Variants in KCNIP4 observed in about 807,000 individuals in gnomAD.
KCNIP4 encodes the protein potassium voltage-gated channel interacting protein 4, also known as Kv channel-interacting protein 4.
KCNIP4 carries 12 observed loss-of-function variants against 34.0 expected under a neutral mutation model. The observed-to-expected ratio is 0.35, with a 90% CI of 0.23 to 0.57. KCNIP4 has a LOEUF of 0.57. Ranked by LOEUF, KCNIP4 falls within the 20% of genes least tolerant of loss-of-function variation. The pLI, the probability that KCNIP4 is intolerant of heterozygous loss-of-function variation, is 0.83. For synonymous variants in KCNIP4, 124 were observed against 102.2 expected, an observed-to-expected ratio of 1.21 and a Z score of -1.29; for missense variants, 238 against 311.7, an observed-to-expected ratio of 0.76 and a Z score of 1.78.
intron 1 of KCNIP4, among the ~76,000 whole-genome samples, chr4:21,874,498 G>A (rs1725986890): frequency 6.6e-6 from 1 of 152,134 alleles, no homozygotes; most frequent in Non-Finnish European, 1.5e-5. Context: ...GAGGGAGAGA[G>A]AATGGCTGTG....
chr4:21,789,466 G>T (rs1291238921), intron 1 of KCNIP4, among the ~76,000 whole-genome samples: 2 of 152,096 alleles, frequency 1.3e-5, no homozygotes, highest in Non-Finnish European at 2.9e-5. Context: ...GGCCAGTAGG[G>T]AACATGGTCT....
chr4:21,643,488 A>C (rs936650133), intron 1 of KCNIP4, among the ~76,000 whole-genome samples: 1 of 152,190 alleles, frequency 6.6e-6, no homozygotes, highest in Non-Finnish European at 1.5e-5. Context: ...AAATGGACTC[A>C]TGATGGTTAA....
chr4:21,054,241 G>A (rs542708354), intron 1 of KCNIP4, among the ~76,000 whole-genome samples: 10 of 152,188 alleles, frequency 6.6e-5, no homozygotes, highest in Admixed American at 5.2e-4. Context: ...CAAAGAGGCT[G>A]GGCATGCTGG....
intron 1 of KCNIP4, among the ~76,000 whole-genome samples, chr4:21,717,249 TA>T (rs528227948): frequency 1.3e-5 from 2 of 152,198 alleles, no homozygotes; most frequent in Non-Finnish European, 2.9e-5. Context: ...TAATGTCCCC[TA>T]GGGGTAATAT....
At chr4:21,940,057 C>T (rs1560192338) in intron 1 of KCNIP4, among the ~76,000 whole-genome samples, 1 of 152,136 alleles carries the variant, frequency 6.6e-6, no homozygotes, top group Non-Finnish European at 1.5e-5. Context: ...GAAGTTATAG[C>T]TCACTTGAAC....
chr4:21,230,162 G>A lies in KCNIP4; in HGVS notation c.62-347453C>T, dbSNP rs561591637. Among the ~76,000 whole-genome samples, 21 of 152,050 alleles carry A rather than the reference G, an allele frequency of 1.4e-4. No homozygotes were observed. The South Asian group carries it at 1.9e-3, about 14-fold the overall frequency. On this transcript the variant is annotated intron_variant, in intron 1 of 8. Coordinates refer to ENST00000382152, the MANE Select transcript of KCNIP4 (RefSeq NM_025221.6). Reference sequence around the variant, plus strand: ...AATACAGCCTTTGGAAGACAGAGGCGGAAACTGGAGGGATGCAGCTATCAG... The same window carrying A: ...AATACAGCCTTTGGAAGACAGAGGCAGAAACTGGAGGGATGCAGCTATCAG...
Position 21,015,616 on chromosome 4 carries a change from ATATAG to A in KCNIP4, c.62-132912_62-132908del, listed in dbSNP as rs539858491. On this transcript the variant is annotated intron_variant, in intron 1 of 8. Coordinates refer to ENST00000382152, the MANE Select transcript of KCNIP4 (RefSeq NM_025221.6). ...TAGTATATTGTATTAATATAATATA[ATATAG>A]TATATTGTATTAATATAATATAATA... Among the ~76,000 whole-genome samples, 176 of 129,402 alleles carry A rather than the reference ATATAG, an allele frequency of 1.4e-3. 1 individual carries two copies. Among genetic ancestry groups the A allele is most frequent in the African/African-American group, 4.7e-3 (156 of 33,196 alleles). The allele number at this position is 129,402 out of a possible 152,430, so 84.9% of individuals were successfully genotyped here. A position where few individuals can be genotyped will look rare whatever the true frequency, so the allele number is the denominator to read the frequency against.
In KCNIP4 at chr4:21,330,289, T is replaced by C. The variant is rs528488657; in HGVS notation, c.62-447580A>G. Among the ~76,000 whole-genome samples the C allele has an allele frequency of 2.0e-3, 298 of 152,306 alleles. 2 individuals are homozygous for C. The highest frequency in any genetic ancestry group is 6.6e-3 in the African/African-American group (273 of 41,582). On this transcript the variant is annotated intron_variant, in intron 1 of 8. Coordinates refer to ENST00000382152, the MANE Select transcript of KCNIP4 (RefSeq NM_025221.6). ...AGAAGTTGTCAATTATAGCATAAATTGATCAGCATGTATATGATACAAAAA... is the reference window on the plus strand; with the variant it reads ...AGAAGTTGTCAATTATAGCATAAATCGATCAGCATGTATATGATACAAAAA...
At chr4:21,224,558 C>T (rs1577914967) in intron 1 of KCNIP4, among the ~76,000 whole-genome samples, 1 of 127,712 alleles carries the variant, frequency 7.8e-6, no homozygotes, top group East Asian at 2.2e-4. Flanking sequence ...CCCCATGGTT[C>T]TACTTACAAT....
intron 1 of KCNIP4, among the ~76,000 whole-genome samples, chr4:21,544,148 C>A (rs558423535): frequency 6.6e-6 from 1 of 152,008 alleles, no homozygotes; most frequent in Non-Finnish European, 1.5e-5. Flanking sequence ...CTCTTCAAAC[C>A]TGGATTCTGG....
chr4:21,172,181 C>T (rs1273340366), intron 1 of KCNIP4, among the ~76,000 whole-genome samples: 1 of 152,082 alleles, frequency 6.6e-6, no homozygotes, highest in Non-Finnish European at 1.5e-5. Context: ...GTATGCGCCA[C>T]CATGCCTGGA....
At chr4:21,752,841 T>C (rs1717244954) in intron 1 of KCNIP4, among the ~76,000 whole-genome samples, 1 of 152,170 alleles carries the variant, frequency 6.6e-6, no homozygotes, top group African/African-American at 2.4e-5. Flanking sequence ...TGGAGACAGT[T>C]GAGATTTTTT....
intron 1 of KCNIP4, among the ~76,000 whole-genome samples, chr4:21,831,127 C>G (rs541334932): frequency 2.8e-4 from 43 of 152,154 alleles, no homozygotes; most frequent in Admixed American, 1.9e-3. Flanking sequence ...GGAAACACAA[C>G]ATACAAAAAC....
intron 1 of KCNIP4, among the ~76,000 whole-genome samples, chr4:21,359,129 T>A (rs777797237): frequency 6.6e-6 from 1 of 152,100 alleles, no homozygotes; most frequent in African/African-American, 2.4e-5. Flanking sequence ...GTAAAGTAAA[T>A]GGCTCTTCCC....
intron 1 of KCNIP4, among the ~76,000 whole-genome samples, chr4:21,623,529 G>A (rs530998203): frequency 6.6e-6 from 1 of 152,198 alleles, no homozygotes; most frequent in South Asian, 2.1e-4. Context: ...GCTTATGTTG[G>A]TTCCCAAACT....
chr4:20,751,309 A>G lies in KCNIP4; in HGVS notation c.359-1577T>C, dbSNP rs78768792. On this transcript the variant is annotated intron_variant, in intron 4 of 8. Coordinates refer to ENST00000382152, the MANE Select transcript of KCNIP4 (RefSeq NM_025221.6). Reference sequence around the variant, plus strand: ...GAGTGGATATCCATCCAGTATTGATACATTGCAGGAAGAAATTCTTTTGCA... The same window carrying G: ...GAGTGGATATCCATCCAGTATTGATGCATTGCAGGAAGAAATTCTTTTGCA... Among the ~76,000 whole-genome samples the G allele has an allele frequency of 9.3e-3, 1,423 of 152,322 alleles. 21 individuals carry two copies. Among genetic ancestry groups the G allele is most frequent in the African/African-American group, 0.032 (1,345 of 41,564 alleles).
chr4:21,245,970 A>C (rs2109061796), intron 1 of KCNIP4, among the ~76,000 whole-genome samples: 1 of 152,274 alleles, frequency 6.6e-6, no homozygotes, highest in East Asian at 1.9e-4. Flanking sequence ...ATGAAGAGGA[A>C]ATATTCCGAC....
At chr4:21,127,021 C>T (rs1019432994) in intron 1 of KCNIP4, among the ~76,000 whole-genome samples, 5 of 152,148 alleles carry the variant, frequency 3.3e-5, no homozygotes, top group African/African-American at 1.2e-4. Flanking sequence ...CTTTCTGTTC[C>T]TGCAACTGGC....
chr4:21,065,106 G>T (rs1266549500), intron 1 of KCNIP4, among the ~76,000 whole-genome samples: 1 of 152,260 alleles, frequency 6.6e-6, no homozygotes, highest in Non-Finnish European at 1.5e-5. Context: ...CCTATGTTTT[G>T]TTTCTCAAGC....
Sources: gnomAD v4.1 joint callset for allele counts (sites outside exome capture counted in the v4.1 genomes callset) on GRCh38, gnomAD v4.1.1 for gene constraint, MANE v1.5 for transcripts, NCBI Gene and HGNC (gene_info 2026-07-23, HGNC 2026-07-21) for gene names.